Variants in ANKRD62 observed in about 807,000 individuals in gnomAD.
ANKRD62 encodes ankyrin repeat domain-containing protein 62.
ANKRD62 carries 61 observed loss-of-function variants against 98.8 expected under a neutral mutation model. The ratio of observed to expected loss-of-function variants is 0.62; its 90% CI spans 0.50 to 0.76. The LOEUF is 0.76. ANKRD62 is among the 30% of genes least tolerant of loss of function. The pLI is 0.00. For missense variants in ANKRD62, 933 were observed against 1,082.9 expected (o/e 0.86, Z 1.94); for synonymous variants, 341 against 367.9 (o/e 0.93, Z 0.84).
At chr18:12,110,727 A>G (rs1483426586) in intron 8 of ANKRD62, among the ~76,000 whole-genome samples, 1 of 152,186 alleles carries the variant, frequency 6.6e-6, no homozygotes, top group Non-Finnish European at 1.5e-5. Context: ...ACATCTAGAC[A>G]TAATTTCTTA....
At position 12,125,553 on chromosome 18, in the gene ANKRD62, A is replaced by G; in HGVS notation, c.1732A>G (p.Ile578Val). Residue 578 changes from isoleucine to valine, a missense_variant, in exon 13 of 14, where the codon ATA becomes GTA. Ile to Val is a conservative substitution (Grantham distance 29). This residue lies in a region of ANKRD62 where 362 missense variants were observed against 434.5 expected (regional missense o/e 0.83). Coordinates refer to ENST00000587848, the MANE Select transcript of ANKRD62 (RefSeq NM_001277333.2). ...IARLRLEIDT[I>V]KHQNQETENK... ...CAGACTCAGGCTGGAAATAGACACA[A>G]TAAAACATCAGAACCAGGAAACTGA... The G allele has an allele frequency of 6.5e-7, 1 of 1,527,716 alleles. No individual in the cohort carries two copies. Among genetic ancestry groups the G allele is most frequent in the Non-Finnish European group, 8.7e-7 (1 of 1,144,194 alleles). The allele number at this position is 1,527,716 out of a possible 1,614,324, so 94.6% of individuals were successfully genotyped here. A position where few individuals can be genotyped will look rare whatever the true frequency, so the allele number is the denominator to read the frequency against.
chr18:12,162,994 T>C, the ANKRD62 span, among the ~76,000 whole-genome samples: 1 of 152,104 alleles, frequency 6.6e-6, no homozygotes, highest in Non-Finnish European at 1.5e-5. Flanking sequence ...CTTTGGCTGT[T>C]CTGGGTCTTT....
chr18:12,158,659 G>A, the ANKRD62 span, among the ~76,000 whole-genome samples: 1 of 150,678 alleles, frequency 6.6e-6, no homozygotes, highest in Admixed American at 6.6e-5. Context: ...CCGTAGCTGG[G>A]ATCACAGGCG....
At chr18:12,105,205 C>T (rs1055821133) in intron 7 of ANKRD62, among the ~76,000 whole-genome samples, 1 of 152,202 alleles carries the variant, frequency 6.6e-6, no homozygotes, top group East Asian at 1.9e-4. Context: ...GTTACAGACA[C>T]TTAATAAGAA....
intron 7 of ANKRD62, among the ~76,000 whole-genome samples, chr18:12,107,026 A>T (rs539188037): frequency 6.6e-6 from 1 of 152,288 alleles, no homozygotes; most frequent in South Asian, 2.1e-4. Context: ...TTAGACAGCA[A>T]TGGGAATAAA....
At chr18:12,094,715 T>C (rs982437364) in intron 1 of ANKRD62, among the ~76,000 whole-genome samples, 1 of 18,238 alleles carries the variant, frequency 5.5e-5, no homozygotes, top group Non-Finnish European at 1.1e-4. Flanking sequence ...GTGGTGGGGG[T>C]AGAGTTGGGT....
chr18:12,103,820 C>G (rs1453891947), intron 7 of ANKRD62, among the ~76,000 whole-genome samples: 1 of 152,096 alleles, frequency 6.6e-6, no homozygotes, highest in African/African-American at 2.4e-5. Context: ...CATAGGAAAT[C>G]TGCAAATATT....
chr18:12,138,306 C>CA, the ANKRD62 span, among the ~76,000 whole-genome samples: 2 of 152,166 alleles, frequency 1.3e-5, no homozygotes, highest in Non-Finnish European at 2.9e-5. Flanking sequence ...GTTATGTACC[C>CA]AGTAGTCATT....
intron 10 of ANKRD62, among the ~76,000 whole-genome samples, chr18:12,119,503 A>T (rs559898357): frequency 1.3e-5 from 2 of 152,246 alleles, no homozygotes; most frequent in South Asian, 4.1e-4. Context: ...ACCTTCCTGG[A>T]TCATAGATGT....
At chr18:12,165,414 G>A in the ANKRD62 span, among the ~76,000 whole-genome samples, 1 of 151,498 alleles carries the variant, frequency 6.6e-6, no homozygotes, top group Admixed American at 6.6e-5. Flanking sequence ...CTTTTTTTGT[G>A]TGTGTATCCA....
chr18:12,163,215 C>A, the ANKRD62 span, among the ~76,000 whole-genome samples: 471 of 152,062 alleles, frequency 3.1e-3, 3 homozygotes, highest in African/African-American at 9.9e-3. Flanking sequence ...TTATAGAGAT[C>A]TTTCACTTCT....
the ANKRD62 span, among the ~76,000 whole-genome samples, chr18:12,140,248 C>A: frequency 6.6e-5 from 10 of 152,158 alleles, no homozygotes; most frequent in African/African-American, 2.4e-4. Context: ...ATCCATTCAT[C>A]TAATTTTTTT....
At chr18:12,168,470 C>A in the ANKRD62 span, among the ~76,000 whole-genome samples, 4 of 152,040 alleles carry the variant, frequency 2.6e-5, no homozygotes, top group African/African-American at 9.7e-5. Flanking sequence ...TTTCTGAGAC[C>A]TCTGTTCTTT....
the ANKRD62 span, among the ~76,000 whole-genome samples, chr18:12,138,747 A>G: frequency 6.5e-4 from 99 of 152,348 alleles, no homozygotes; most frequent in African/African-American, 2.2e-3. Flanking sequence ...GGGTGCATAC[A>G]TATTTAGGAT....
chr18:12,120,079 A>G (rs965622844), intron 10 of ANKRD62, among the ~76,000 whole-genome samples: 1 of 152,060 alleles, frequency 6.6e-6, no homozygotes, highest in Non-Finnish European at 1.5e-5. Context: ...CATTCTTTTT[A>G]CTTAATCTTT....
At position 12,129,063 on chromosome 18, in the gene ANKRD62, T is replaced by A. The variant is rs1349169446; in HGVS notation, c.*1124T>A. The A allele has an allele frequency of 5.9e-5, 9 of 151,300 alleles. No individual in the cohort carries two copies. Among genetic ancestry groups the A allele is most frequent in the African/African-American group, 1.9e-4 (8 of 41,038 alleles). The allele number at this position is 151,300 out of a possible 1,614,324, so 9.4% of individuals were successfully genotyped here. On this transcript the variant is annotated 3_prime_UTR_variant, in exon 14 of 14. Coordinates refer to ENST00000587848, the MANE Select transcript of ANKRD62 (RefSeq NM_001277333.2). ...GCCTGGGTGGCTGAGCAAGACTCCG[T>A]CTTAAAAAAAAAAAAGTGCAAGTTT...
intron 8 of ANKRD62, among the ~76,000 whole-genome samples, chr18:12,108,488 G>A (rs936363060): frequency 2.0e-5 from 3 of 152,114 alleles, no homozygotes; most frequent in Non-Finnish European, 2.9e-5. Context: ...TTCCCACCAG[G>A]TCTCTCTTCT....
intron 2 of ANKRD62, 52 bp downstream of exon 2, chr18:12,095,337 A>AGAATAAAATTAATTCACC: frequency 6.5e-7 from 1 of 1,529,534 alleles, no homozygotes; most frequent in Non-Finnish European, 8.8e-7. Flanking sequence ...TTAAATTCAC[A>AGAATAAAATTAATTCACC]GAATAAAATT....
rs1568066396 is a variant in ANKRD62 at position 12,126,080 on chromosome 18, CA to C, written c.2260del (p.Met754CysfsTer13). On this transcript the variant is annotated frameshift_variant, in exon 13 of 14. Transcript: ENST00000587848. LOFTEE classifies it high-confidence loss of function. ...AGCGTCGATTGGAGGACATTGAACA[CA>C]TGTACCAAAATGACCAACCTATTTT... is the stretch of plus-strand genomic sequence containing the variant. ...TQRRLEDIEH[M>X]YQNDQPILEK... 6.5e-7 allele frequency: 1 copy of C among 1,536,138 alleles called. No individual in the cohort carries two copies. The highest frequency in any genetic ancestry group is 2.4e-5 in the East Asian group (1 of 40,920).
Sources: allele counts gnomAD v4.1 joint callset (sites outside exome capture counted in the v4.1 genomes callset), GRCh38; gene constraint gnomAD v4.1.1; regional missense constraint gnomAD v4.1.1; transcripts MANE v1.5; gene names NCBI Gene and HGNC (gene_info 2026-07-23, HGNC 2026-07-21).